Variants in PALS2 observed in about 807,000 individuals in gnomAD.
The protein encoded by PALS2 is protein PALS2.
A neutral mutation model predicts 61.6 loss-of-function variants in PALS2; 27 were observed. That is an observed-to-expected ratio of 0.44 (90% confidence interval 0.32 to 0.60). The LOEUF (loss-of-function observed/expected upper bound fraction) is 0.60. Ranked by LOEUF, PALS2 falls within the 20% of genes least tolerant of loss-of-function variation. The pLI is 0.05. For synonymous variants in PALS2, 236 were observed against 218.6 expected, an observed-to-expected ratio of 1.08 and a Z score of -0.70; for missense variants, 554 against 639.4, an observed-to-expected ratio of 0.87 and a Z score of 1.44.
chr7:24,634,774 A>C (rs1322619716), intron 2 of PALS2, among the ~76,000 whole-genome samples: 1 of 152,124 alleles, frequency 6.6e-6, no homozygotes, highest in Non-Finnish European at 1.5e-5. Context: ...GTGCTTCTCT[A>C]GTCCATTTGT....
In PALS2 at chr7:24,680,445, G is replaced by C; in HGVS notation, c.1371G>C (p.Ala457=). The change falls in exon 11 of 12, where the codon GCG becomes GCC. Residue 457 remains alanine, a synonymous_variant. Coordinates refer to ENST00000222644, the MANE Select transcript of PALS2 (RefSeq NM_001303037.2). ...SEFMPYVVFI[A]APELETLRAM... is the part of the protein sequence containing the mutation. ...TTATGCCCTATGTGGTATTTATTGC[G>C]GCTCCGGAGCTAGAGACGTTACGTG... 3 of 1,613,760 alleles carry C rather than the reference G, an allele frequency of 1.9e-6. No individual in the cohort carries two copies. Among genetic ancestry groups the C allele is most frequent in the Non-Finnish European group, 1.7e-6 (2 of 1,179,736 alleles).
chr7:24,576,581 C>G (rs1248632951), intron 1 of PALS2, among the ~76,000 whole-genome samples: 3 of 152,132 alleles, frequency 2.0e-5, no homozygotes, highest in East Asian at 1.9e-4. Context: ...TCTAAGTATG[C>G]CTCTAACATA....
In PALS2 at chr7:24,688,197, A is replaced by G. The variant is rs1554317838; in HGVS notation, c.*583A>G. ...CGTATTTTCATTATTTCGGAGATGT[A>G]TGGCTATCCATTCTAATTTATACAG... On this transcript the variant is annotated 3_prime_UTR_variant, in exon 12 of 12. Transcript: ENST00000222644. The G allele has an allele frequency of 6.6e-6, 1 of 152,242 alleles. No individual in the cohort carries two copies. The highest frequency in any genetic ancestry group is 2.4e-5 in the African/African-American group (1 of 41,458). 9.4% of individuals were successfully genotyped at this position (152,242 alleles called of 1,614,324 possible).
Position 24,687,327 on chromosome 7 carries a change from A to G in PALS2, c.1447-111A>G. Reference sequence around the variant, plus strand: ...GGATTAGATTTTGAAGATTAATACCAGAATTACCAGAAATATATCTAACCT... The same window carrying G: ...GGATTAGATTTTGAAGATTAATACCGGAATTACCAGAAATATATCTAACCT... On this transcript the variant is annotated intron_variant, in intron 11 of 11. Transcript: ENST00000222644. The surrounding 1 kb of genome is among the most constrained non-coding windows in gnomAD (Gnocchi z 4.5). 1 of 796,188 alleles carries G rather than the reference A, an allele frequency of 1.3e-6. No individual in the cohort carries two copies. Among genetic ancestry groups the G allele is most frequent in the Non-Finnish European group, 2.0e-6 (1 of 503,358 alleles). 49.3% of individuals were successfully genotyped at this position (796,188 alleles called of 1,614,324 possible).
intron 1 of PALS2, among the ~76,000 whole-genome samples, chr7:24,611,320 T>TA (rs1784103387): frequency 6.6e-6 from 1 of 152,124 alleles, no homozygotes; most frequent in African/African-American, 2.4e-5. Flanking sequence ...TATGCCTTGT[T>TA]ATGCAATTCA....
At chr7:24,673,402 C>G (rs1787400073) in intron 9 of PALS2, among the ~76,000 whole-genome samples, 1 of 152,092 alleles carries the variant, frequency 6.6e-6, no homozygotes, top group Admixed American at 6.6e-5. Flanking sequence ...TATGGTAATT[C>G]AGGGCACATA....
At chr7:24,631,577 A>G (rs1026360330) in intron 2 of PALS2, among the ~76,000 whole-genome samples, 6 of 152,238 alleles carry the variant, frequency 3.9e-5, no homozygotes, top group Admixed American at 3.3e-4. Flanking sequence ...ATTGACTCCA[A>G]TTTTGAAAGT....
chr7:24,666,480 A>G (rs1229236297), intron 8 of PALS2, among the ~76,000 whole-genome samples: 1 of 152,216 alleles, frequency 6.6e-6, no homozygotes, highest in African/African-American at 2.4e-5. Flanking sequence ...GTATCCTGCC[A>G]TAACACTGAC....
At chr7:24,599,802 G>C (rs999213677) in intron 1 of PALS2, among the ~76,000 whole-genome samples, 8 of 151,924 alleles carry the variant, frequency 5.3e-5, no homozygotes, top group African/African-American at 1.9e-4. Context: ...ACTGCACCCA[G>C]CCCTATAAGC....
intron 1 of PALS2, among the ~76,000 whole-genome samples, chr7:24,587,961 T>G (rs76495162): frequency 0.063 from 9,594 of 152,146 alleles, 355 homozygotes; most frequent in African/African-American, 0.093. Context: ...TCTCTAAGGG[T>G]GCAGTTTTGC....
chr7:24,638,219 A>G (rs1042690665), intron 2 of PALS2, among the ~76,000 whole-genome samples: 6 of 151,722 alleles, frequency 4.0e-5, no homozygotes, highest in African/African-American at 1.4e-4. Context: ...AAAAAGTAAA[A>G]TTGATCCCAG....
intron 1 of PALS2, among the ~76,000 whole-genome samples, chr7:24,610,728 T>C (rs1158723045): frequency 6.6e-6 from 1 of 152,178 alleles, no homozygotes; most frequent in Non-Finnish European, 1.5e-5. Context: ...CTTTATCATC[T>C]CTTGGAAATG....
At chr7:24,616,594 C>T (rs1784300758) in intron 1 of PALS2, among the ~76,000 whole-genome samples, 1 of 152,052 alleles carries the variant, frequency 6.6e-6, no homozygotes, top group Non-Finnish European at 1.5e-5. Flanking sequence ...ATGTAATTGA[C>T]TCTTGTTTTT....
At chr7:24,656,697 A>AT (rs11319691) in intron 5 of PALS2, among the ~76,000 whole-genome samples, 1 of 151,452 alleles carries the variant, frequency 6.6e-6, no homozygotes, top group East Asian at 1.9e-4. Flanking sequence ...TAATATTTGT[A>AT]TTTTTTCTTT....
chr7:24,668,452 A>G (rs758072019), intron 8 of PALS2, 47 bp from the exon 9 acceptor site: 2 of 1,521,090 alleles, frequency 1.3e-6, no homozygotes, highest in African/African-American at 1.4e-5. Context: ...GATTTCTTTC[A>G]TGTATATAAA....
chr7:24,682,543 T>C (rs1407563451), intron 11 of PALS2, among the ~76,000 whole-genome samples: 1 of 152,172 alleles, frequency 6.6e-6, no homozygotes, highest in Non-Finnish European at 1.5e-5. Context: ...GCCAGGAAGC[T>C]GGGGTAATCA....
At chr7:24,665,989 G>A (rs1199508340) in intron 7 of PALS2, 32 bp from the exon 8 acceptor site, 7 of 1,570,990 alleles carry the variant, frequency 4.5e-6, no homozygotes, top group Non-Finnish European at 5.2e-6. Context: ...CTGATATACT[G>A]CTTAAGTTAT....
At chr7:24,630,279 T>C (rs1427176629) in intron 2 of PALS2, among the ~76,000 whole-genome samples, 2 of 151,868 alleles carry the variant, frequency 1.3e-5, no homozygotes, top group Admixed American at 6.6e-5. Context: ...AGTTGAACAA[T>C]GAAGAACATA....
intron 6 of PALS2, among the ~76,000 whole-genome samples, chr7:24,663,955 G>A (rs999090562): frequency 1.3e-5 from 2 of 152,168 alleles, no homozygotes; most frequent in Non-Finnish European, 2.9e-5. Context: ...TTGGTTTAGG[G>A]ATTAGACCAA....
Sources: allele counts gnomAD v4.1 joint callset (sites outside exome capture counted in the v4.1 genomes callset), GRCh38; gene constraint gnomAD v4.1.1; non-coding constraint Gnocchi (gnomAD v3.1); transcripts MANE v1.5; gene names NCBI Gene and HGNC (gene_info 2026-07-23, HGNC 2026-07-21).